DNAH14: variants seen among roughly 807,000 people sequenced by gnomAD.
DNAH14 encodes the protein dynein axonemal heavy chain 14, also known as axonemal beta dynein heavy chain 14.
Under a neutral mutation model 520.9 loss-of-function variants are expected in DNAH14, and 478 were observed. That is an observed-to-expected ratio of 0.92 (90% CI 0.85 to 0.99). The LOEUF is 0.99. Ranked by LOEUF, DNAH14 falls within the 50% of genes least tolerant of loss-of-function variation. DNAH14 has a pLI of 0.00. For synonymous variants in DNAH14, 1,581 were observed against 1,757.2 expected, an observed-to-expected ratio of 0.90 and a Z score of 2.51; for missense variants, 4,831 against 5,234.5, an observed-to-expected ratio of 0.92 and a Z score of 2.38.
At chr1:225,145,081 T>C (rs2079812288) in intron 29 of DNAH14, among the ~76,000 whole-genome samples, 2 of 152,178 alleles carry the variant, frequency 1.3e-5, no homozygotes, top group Admixed American at 1.3e-4. Flanking sequence ...CATAGTTTTT[T>C]ATTCATAGAT....
chr1:224,956,092 A>G (rs2060492921), intron 3 of DNAH14, among the ~76,000 whole-genome samples: 2 of 151,694 alleles, frequency 1.3e-5, no homozygotes, highest in South Asian at 4.2e-4. Flanking sequence ...ACTTATTTCC[A>G]TTTTTCCCCC....
chr1:225,262,766 G>T (rs1408101463), intron 46 of DNAH14, among the ~76,000 whole-genome samples: 1 of 152,030 alleles, frequency 6.6e-6, no homozygotes, highest in African/African-American at 2.4e-5. Context: ...ATAATCTGAA[G>T]TTGGGTAATG....
At chr1:224,992,340 A>G (rs2063116928) in intron 8 of DNAH14, among the ~76,000 whole-genome samples, 1 of 152,110 alleles carries the variant, frequency 6.6e-6, no homozygotes, top group South Asian at 2.1e-4. Context: ...AGTTCTTCCA[A>G]TCCATGAACA....
At chr1:225,049,004 T>C (rs936320447) in intron 15 of DNAH14, among the ~76,000 whole-genome samples, 1 of 151,498 alleles carries the variant, frequency 6.6e-6, no homozygotes, top group Non-Finnish European at 1.5e-5. Flanking sequence ...GTTTTCCATC[T>C]GCATATCTTA....
intron 50 of DNAH14, 119 bp from the exon 51 acceptor site, chr1:225,271,787 C>T (rs963627746): frequency 6.3e-6 from 5 of 788,930 alleles, no homozygotes; most frequent in Non-Finnish European, 9.8e-6. Flanking sequence ...TTAATTTTAA[C>T]ATTTAATGAA....
intron 84 of DNAH14, among the ~76,000 whole-genome samples, chr1:225,395,205 T>C (rs1017067285): frequency 9.2e-5 from 14 of 152,250 alleles, no homozygotes; most frequent in Admixed American, 9.2e-4. Context: ...TTATCACTTT[T>C]ATCAATATGA....
chr1:225,142,063 T>A (rs2079509812), intron 28 of DNAH14, among the ~76,000 whole-genome samples: 1 of 152,208 alleles, frequency 6.6e-6, no homozygotes, highest in Non-Finnish European at 1.5e-5. Flanking sequence ...TGATATATAC[T>A]CACATGTTCA....
chr1:225,014,253 C>T (rs912072413), intron 10 of DNAH14, among the ~76,000 whole-genome samples: 2 of 152,176 alleles, frequency 1.3e-5, no homozygotes, highest in Non-Finnish European at 2.9e-5. Context: ...CGACGCCCCA[C>T]CCTACTTTGG....
Position 225,287,598 on chromosome 1 carries a change from A to G in DNAH14, c.8272-2287A>G, listed in dbSNP as rs564187568. On this transcript the variant is annotated intron_variant, in intron 54 of 85. Transcript: ENST00000682510. ...GGAATGTGTGTCTATAAGGGTTAGTATACAAACATTTATTTATTTGCTGTG... is the reference window on the plus strand; with the variant it reads ...GGAATGTGTGTCTATAAGGGTTAGTGTACAAACATTTATTTATTTGCTGTG... Among the ~76,000 whole-genome samples the G allele has an allele frequency of 3.3e-5, 5 of 152,314 alleles. No homozygotes were observed. In the South Asian group the frequency reaches 8.3e-4, roughly 25 times the overall value.
intron 22 of DNAH14, among the ~76,000 whole-genome samples, chr1:225,099,919 C>T (rs1328218030): frequency 6.6e-6 from 1 of 151,992 alleles, no homozygotes; most frequent in Non-Finnish European, 1.5e-5. Context: ...CCCTCTTCAA[C>T]TTCAGAGCCA....
intron 27 of DNAH14, among the ~76,000 whole-genome samples, chr1:225,129,516 T>C (rs1443063014): frequency 1.3e-5 from 2 of 152,054 alleles, no homozygotes; most frequent in African/African-American, 4.8e-5. Context: ...TAATGCCGCA[T>C]ATCTACAACC....
intron 77 of DNAH14, among the ~76,000 whole-genome samples, chr1:225,371,795 C>T (rs543529328): frequency 5.3e-5 from 8 of 152,092 alleles, no homozygotes; most frequent in African/African-American, 1.7e-4. Flanking sequence ...TAGGCAAAAC[C>T]GTACTTTCAC....
At chr1:224,939,163 C>G (rs1039250334) in intron 1 of DNAH14, among the ~76,000 whole-genome samples, 2 of 152,148 alleles carry the variant, frequency 1.3e-5, no homozygotes, top group African/African-American at 2.4e-5. Flanking sequence ...TTTAAAAATA[C>G]AATACTTGAC....
Position 225,374,824 on chromosome 1 carries a change from T to A in DNAH14, c.12455T>A (p.Leu4152Gln). ...DNWDKRCLKT[L>Q]LYKFCNPEVL... ...TGGGACAAGCGATGCTTGAAGACCC[T>A]ACTCTACAAATTTTGTAATCCTGAA... is the stretch of plus-strand genomic sequence containing the variant. Residue 4152 changes from leucine (L) to glutamine (Q), a missense_variant, in exon 78 of 86, where the codon CTA becomes CAA. Physicochemically the swap from Leu to Gln is moderately radical, Grantham distance 113. Coordinates refer to ENST00000682510, the MANE Select transcript of DNAH14 (RefSeq NM_001367479.1). 1 of 1,551,594 alleles carries A rather than the reference T, an allele frequency of 6.4e-7. No homozygotes were observed. Among genetic ancestry groups the A allele is most frequent in the South Asian group, 1.2e-5 (1 of 84,048 alleles).
At chr1:224,936,512 G>A (rs563714720) in intron 1 of DNAH14, among the ~76,000 whole-genome samples, 36 of 151,914 alleles carry the variant, frequency 2.4e-4, no homozygotes, top group African/African-American at 8.4e-4. Flanking sequence ...TATTAAGATT[G>A]AACCATGAAG....
At chr1:225,145,442 T>G (rs2079845924) in intron 30 of DNAH14, 63 bp downstream of exon 30, 3 of 1,270,148 alleles carry the variant, frequency 2.4e-6, no homozygotes, top group Non-Finnish European at 3.2e-6. Context: ...AACAATTCAT[T>G]GAAGAATAAA....
Position 224,974,150 on chromosome 1 carries a change from G to A in DNAH14, c.827G>A (p.Ser276Asn), listed in dbSNP as rs1256728729. ...GTTAAAAGAATTAAGACAGAGAAGA[G>A]CAGGTAAGTTTTGATACGCAATATA... ...LNVKRIKTEK[S>N]RSFLYHHLFL... is the part of the protein sequence containing the mutation. Residue 276 changes from serine (S) to asparagine (N), a missense_variant, in exon 8 of 86, where the codon AGC becomes AAC. Ser to Asn is a conservative substitution (Grantham distance 46). Transcript: ENST00000682510. 3 of 1,477,394 alleles carry A rather than the reference G, an allele frequency of 2.0e-6. No individual in the cohort carries two copies. The highest frequency in any genetic ancestry group is 1.4e-5 in the South Asian group (1 of 70,186). 91.5% of individuals were successfully genotyped at this position (1,477,394 alleles called of 1,614,324 possible). A position where few individuals can be genotyped will look rare whatever the true frequency, so the allele number is the denominator to read the frequency against.
intron 36 of DNAH14, among the ~76,000 whole-genome samples, chr1:225,177,589 G>A (rs2149270020): frequency 6.6e-6 from 1 of 152,204 alleles, no homozygotes; most frequent in Non-Finnish European, 1.5e-5. Context: ...TCTCTGTGCT[G>A]TATGCAGCCT....
intron 35 of DNAH14, among the ~76,000 whole-genome samples, chr1:225,161,945 A>G (rs1446460373): frequency 6.6e-6 from 1 of 152,090 alleles, no homozygotes; most frequent in Non-Finnish European, 1.5e-5. Flanking sequence ...ATTTTCTCCC[A>G]TTCTGTGGGT....
Sources: allele counts gnomAD v4.1 joint callset (sites outside exome capture counted in the v4.1 genomes callset), GRCh38; gene constraint gnomAD v4.1.1; transcripts MANE v1.5; gene names NCBI Gene and HGNC (gene_info 2026-07-23, HGNC 2026-07-21).